Variants in KCNK13 observed in about 807,000 individuals in gnomAD.
KCNK13 encodes the protein potassium two pore domain channel subfamily K member 13.
Under a neutral mutation model 23.4 loss-of-function variants are expected in KCNK13, and 12 were observed. That is an observed-to-expected ratio of 0.51 (90% CI 0.33 to 0.83). KCNK13 has a LOEUF of 0.83. Ranked by LOEUF, KCNK13 falls within the 40% of genes least tolerant of loss-of-function variation. The pLI is 0.02. For synonymous variants in KCNK13, 231 were observed against 229.5 expected (o/e 1.01, Z -0.06); for missense variants, 463 against 556.3 (o/e 0.83, Z 1.69).
Position 90,063,998 on chromosome 14 carries a change from A to C in KCNK13, c.334+1459A>C, listed in dbSNP as rs74080563. 7.9e-3 allele frequency among the ~76,000 whole-genome samples: 1,205 copies of C among 152,308 alleles called. 12 individuals are homozygous for C. Among genetic ancestry groups the C allele is most frequent in the African/African-American group, 0.027 (1,111 of 41,554 alleles). ...CTGGGTATCAGGCAGGAAACCTTGC[A>C]GCAGACCAGAATGGGCCCAAGATTG... On this transcript the variant is annotated intron_variant, in intron 1 of 1. Transcript: ENST00000282146.
chr14:90,093,014 G>A (rs1308270829), intron 1 of KCNK13, among the ~76,000 whole-genome samples: 1 of 151,620 alleles, frequency 6.6e-6, no homozygotes, highest in African/African-American at 2.4e-5. Context: ...TGGGTGCTAA[G>A]CTTCCTCTGG....
chr14:90,120,098 G>C (rs1889719816), intron 1 of KCNK13, among the ~76,000 whole-genome samples: 1 of 152,098 alleles, frequency 6.6e-6, no homozygotes, highest in South Asian at 2.1e-4. Flanking sequence ...CTCAGTGTCT[G>C]TTGTTCCCCT....
chr14:90,090,853 A>T (rs1381137251), intron 1 of KCNK13, among the ~76,000 whole-genome samples: 1 of 152,214 alleles, frequency 6.6e-6, no homozygotes, highest in Non-Finnish European at 1.5e-5. Context: ...CATGTAAGGC[A>T]TGACTTGCTC....
intron 1 of KCNK13, among the ~76,000 whole-genome samples, chr14:90,127,279 G>T (rs1415750687): frequency 1.3e-5 from 2 of 152,026 alleles, no homozygotes; most frequent in African/African-American, 2.4e-5. Context: ...ACCTTAAAAT[G>T]TTTTCTCCAT....
Position 90,184,103 on chromosome 14 carries a change from T to C in KCNK13, c.335-8T>C. The C allele has an allele frequency of 6.2e-7, 1 of 1,608,192 alleles. No individual in the cohort carries two copies. Among genetic ancestry groups the C allele is most frequent in the Non-Finnish European group, 8.5e-7 (1 of 1,176,044 alleles). On this transcript the variant is annotated splice_region_variant and splice_polypyrimidine_tract_variant and intron_variant, in intron 1 of 1. Coordinates refer to ENST00000282146, the MANE Select transcript of KCNK13 (RefSeq NM_022054.4). The surrounding 1 kb of genome is among the most constrained non-coding windows in gnomAD (Gnocchi z 5.6). Reference sequence around the variant, plus strand: ...CTCTTACTCTTCTCTCATTTTTCTCTCCTGCAGGGTTTGGGATGACAACTC... The same window carrying C: ...CTCTTACTCTTCTCTCATTTTTCTCCCCTGCAGGGTTTGGGATGACAACTC...
chr14:90,171,622 G>A lies in KCNK13; in HGVS notation c.335-12489G>A, dbSNP rs1383048976. On this transcript the variant is annotated intron_variant, in intron 1 of 1. Transcript: ENST00000282146. ...AGACATGAGACGTCAATTAATATAT[G>A]TCTGGAAAAGTGGGACAACTTAAGC... Among the ~76,000 whole-genome samples the A allele has an allele frequency of 2.0e-5, 3 of 152,202 alleles. 1 individual carries two copies. The South Asian group carries it at 6.2e-4, about 32-fold the overall frequency.
chr14:90,128,487 A>G (rs1306920963), intron 1 of KCNK13, among the ~76,000 whole-genome samples: 2 of 152,112 alleles, frequency 1.3e-5, no homozygotes, highest in Non-Finnish European at 2.9e-5. Flanking sequence ...ACTGTGTGGC[A>G]CGTGTGGGCT....
At chr14:90,082,101 G>T (rs1381837622) in intron 1 of KCNK13, among the ~76,000 whole-genome samples, 2 of 152,116 alleles carry the variant, frequency 1.3e-5, no homozygotes, top group Non-Finnish European at 2.9e-5. Flanking sequence ...TCACTTTGTT[G>T]CCCGAGCTGG....
At chr14:90,110,238 G>A (rs1889598886) in intron 1 of KCNK13, among the ~76,000 whole-genome samples, 1 of 152,144 alleles carries the variant, frequency 6.6e-6, no homozygotes, top group Non-Finnish European at 1.5e-5. Flanking sequence ...CTGAGCCGGT[G>A]CGGTGGCTCA....
chr14:90,077,443 ATATTTCC>A (rs1406780376), intron 1 of KCNK13, among the ~76,000 whole-genome samples: 2 of 152,078 alleles, frequency 1.3e-5, no homozygotes, highest in African/African-American at 4.8e-5. Flanking sequence ...TTTTCTTCAA[ATATTTCC>A]TTAATGTTAG....
rs543887408 is a variant in KCNK13 at position 90,185,057 on chromosome 14, G to A, written c.*54G>A. The A allele has an allele frequency of 8.4e-5, 121 of 1,442,994 alleles. 1 individual carries two copies. Among genetic ancestry groups the A allele is most frequent in the South Asian group, 8.2e-4 (59 of 71,780 alleles). The allele number at this position is 1,442,994 out of a possible 1,614,324, so 89.4% of individuals were successfully genotyped here. On this transcript the variant is annotated 3_prime_UTR_variant, in exon 2 of 2. Coordinates refer to ENST00000282146, the MANE Select transcript of KCNK13 (RefSeq NM_022054.4). The stretch of plus-strand genomic sequence containing the variant: ...CAGAGTAGAATGGAGGATGATTGCC[G>A]CCCAGGGGACGAGCTCAGCCCTGCG...
chr14:90,174,427 G>A (rs571530862), intron 1 of KCNK13, among the ~76,000 whole-genome samples: 1 of 152,160 alleles, frequency 6.6e-6, no homozygotes, highest in South Asian at 2.1e-4. Flanking sequence ...CTCCCACCAG[G>A]TCCCTCCTTT....
chr14:90,149,218 T>C (rs1596799563), intron 1 of KCNK13, among the ~76,000 whole-genome samples: 1 of 152,084 alleles, frequency 6.6e-6, no homozygotes, highest in East Asian at 1.9e-4. Flanking sequence ...TAGCCAGGCA[T>C]GGTGGTGCAT....
intron 1 of KCNK13, among the ~76,000 whole-genome samples, chr14:90,094,872 C>T (rs1773143144): frequency 6.6e-6 from 1 of 152,076 alleles, no homozygotes; most frequent in African/African-American, 2.4e-5. Flanking sequence ...TGGTCTCGAT[C>T]TCCTGACCTC....
chr14:90,183,419 A>G (rs1246403402), intron 1 of KCNK13, among the ~76,000 whole-genome samples: 1 of 151,610 alleles, frequency 6.6e-6, no homozygotes, highest in Non-Finnish European at 1.5e-5. Flanking sequence ...TCCCACCACC[A>G]CCACACACAT....
At chr14:90,090,197 C>T (rs1260415551) in intron 1 of KCNK13, among the ~76,000 whole-genome samples, 4 of 152,216 alleles carry the variant, frequency 2.6e-5, no homozygotes, top group South Asian at 2.1e-4. Flanking sequence ...TGAAAGCAGC[C>T]GGGAGGGAGG....
chr14:90,172,497 C>T (rs977395490), intron 1 of KCNK13, among the ~76,000 whole-genome samples: 2 of 152,086 alleles, frequency 1.3e-5, no homozygotes, highest in African/African-American at 4.8e-5. Flanking sequence ...TTATAGGATC[C>T]AAACCCTGGC....
intron 1 of KCNK13, among the ~76,000 whole-genome samples, chr14:90,115,635 G>A (rs1449082480): frequency 1.3e-5 from 2 of 152,192 alleles, no homozygotes; most frequent in Non-Finnish European, 2.9e-5. Context: ...ACTGTAGCCT[G>A]AAAGCAGCCA....
intron 1 of KCNK13, among the ~76,000 whole-genome samples, chr14:90,134,276 G>A (rs1287466253): frequency 6.6e-6 from 1 of 152,258 alleles, no homozygotes; most frequent in East Asian, 1.9e-4. Flanking sequence ...TATAGAATTT[G>A]GGGAAATGCA....
Sources: allele counts gnomAD v4.1 joint callset (sites outside exome capture counted in the v4.1 genomes callset), GRCh38; gene constraint gnomAD v4.1.1; non-coding constraint Gnocchi (gnomAD v3.1); transcripts MANE v1.5; gene names NCBI Gene and HGNC (gene_info 2026-07-23, HGNC 2026-07-21).